Variants in ERO1A observed in about 807,000 individuals in gnomAD.
ERO1A encodes the protein ERO1-like protein alpha.
Under a neutral mutation model 76.9 loss-of-function variants are expected in ERO1A, and 49 were observed. The ratio of observed to expected loss-of-function variants is 0.64; its 90% CI spans 0.51 to 0.81. The LOEUF is 0.81. Ranked by LOEUF, ERO1A falls within the 30% of genes least tolerant of loss-of-function variation. ERO1A has a pLI of 0.00. For synonymous variants in ERO1A, 174 were observed against 181.2 expected, an observed-to-expected ratio of 0.96 and a Z score of 0.32; for missense variants, 448 against 542.1, an observed-to-expected ratio of 0.83 and a Z score of 1.72.
intron 11 of ERO1A, among the ~76,000 whole-genome samples, chr14:52,655,013 G>A (rs973008419): frequency 8.5e-5 from 13 of 152,172 alleles, no homozygotes; most frequent in African/African-American, 3.1e-4. Flanking sequence ...CTGTCCACAG[G>A]TGAGAGGATT....
At chr14:52,671,540 A>G in intron 6 of ERO1A, 90 bp downstream of exon 6, 1 of 857,222 alleles carries the variant, frequency 1.2e-6, no homozygotes, top group Non-Finnish European at 1.8e-6. Context: ...GACTACAGGC[A>G]CACCACCATG....
intron 13 of ERO1A, among the ~76,000 whole-genome samples, chr14:52,648,207 C>T (rs2039736353): frequency 6.6e-6 from 1 of 151,520 alleles, no homozygotes. Context: ...TTTTTATGAC[C>T]ACATGACATC....
chr14:52,651,671 T>C (rs563601680), intron 13 of ERO1A, among the ~76,000 whole-genome samples: 16 of 152,308 alleles, frequency 1.1e-4, no homozygotes, highest in South Asian at 4.2e-4. Flanking sequence ...TATGTTTTAA[T>C]TGACAAAAAT....
intron 1 of ERO1A, among the ~76,000 whole-genome samples, chr14:52,692,118 T>C (rs941836977): frequency 6.6e-6 from 1 of 152,234 alleles, no homozygotes; most frequent in Non-Finnish European, 1.5e-5. Context: ...TTTTAAAATA[T>C]ACTCCTGTTG....
At position 52,640,154 on chromosome 14, in the gene ERO1A, G is replaced by A. The variant is rs557254519; in HGVS notation, c.*3416C>T. The A allele has an allele frequency of 1.3e-5, 2 of 152,214 alleles. No individual in the cohort carries two copies. The highest frequency in any genetic ancestry group is 4.1e-4 in the South Asian group (2 of 4,830). The allele number at this position is 152,214 out of a possible 1,614,324, so 9.4% of individuals were successfully genotyped here. A position where few individuals can be genotyped will look rare whatever the true frequency, so the allele number is the denominator to read the frequency against. On this transcript the variant is annotated 3_prime_UTR_variant, in exon 16 of 16. Transcript: ENST00000395686. ...AGGTTCCTTTTCCTGCCCTTAAGGA[G>A]CTCACATTCTAGTAAAGACTTTTGA...
At position 52,650,690 on chromosome 14, in the gene ERO1A, T is replaced by C. The variant is rs143550092; in HGVS notation, c.1125+1549A>G. Among the ~76,000 whole-genome samples the C allele has an allele frequency of 1.6e-3, 250 of 152,312 alleles. 1 individual carries two copies. The highest frequency in any genetic ancestry group is 5.6e-3 in the African/African-American group (234 of 41,576). ...AACTTTGTAAGAGAGAAGAGAAATA[T>C]AATTTTACTTGACCCCCTCTGGAAA... On this transcript the variant is annotated intron_variant, in intron 13 of 15. Transcript: ENST00000395686.
intron 15 of ERO1A, among the ~76,000 whole-genome samples, chr14:52,644,513 T>C (rs1048198041): frequency 6.6e-6 from 1 of 152,188 alleles, no homozygotes; most frequent in Non-Finnish European, 1.5e-5. Flanking sequence ...TATTAAAGTA[T>C]ATAGTATTTG....
chr14:52,649,515 T>C (rs2039779714), intron 13 of ERO1A, among the ~76,000 whole-genome samples: 1 of 152,170 alleles, frequency 6.6e-6, no homozygotes, highest in Admixed American at 6.5e-5. Context: ...ACTCTCTACC[T>C]AAACTTCATA....
At position 52,653,506 on chromosome 14, in the gene ERO1A, A is replaced by G. The variant is rs995479080; in HGVS notation, c.809-191T>C. Among the ~76,000 whole-genome samples the G allele has an allele frequency of 2.0e-5, 3 of 151,966 alleles. No homozygotes were observed. In the East Asian group the frequency reaches 5.8e-4, roughly 29 times the overall value. ...ATTAATATTTTATTTTCTAGAACCC[A>G]TCCTTAAAACAAATTCAATGTTTTA... On this transcript the variant is annotated intron_variant, in intron 11 of 15. Coordinates refer to ENST00000395686, the MANE Select transcript of ERO1A (RefSeq NM_014584.3).
chr14:52,675,287 G>A (rs1472666553), intron 4 of ERO1A, among the ~76,000 whole-genome samples: 1 of 151,994 alleles, frequency 6.6e-6, no homozygotes, highest in Non-Finnish European at 1.5e-5. Context: ...GGAGGCTGAG[G>A]CAGGAGAATT....
chr14:52,685,323 T>A (rs2041144043), intron 1 of ERO1A, among the ~76,000 whole-genome samples: 1 of 152,194 alleles, frequency 6.6e-6, no homozygotes, highest in African/African-American at 2.4e-5. Flanking sequence ...ATCTACATAT[T>A]TTGTCATGTA....
intron 3 of ERO1A, among the ~76,000 whole-genome samples, chr14:52,680,989 A>G (rs2040974506): frequency 6.6e-6 from 1 of 152,204 alleles, no homozygotes; most frequent in Non-Finnish European, 1.5e-5. Context: ...ATAGAAAGTA[A>G]AAGTATTGTC....
rs528928550 is a variant in ERO1A, at chr14:52,665,829, A to G, written c.629+546T>C. ...CTAAGTCTCAGTTTCTCTGTCTATA[A>G]TACAGTGATGACTGCAACACAGGGT... On this transcript the variant is annotated intron_variant, in intron 7 of 15. Transcript: ENST00000395686. Among the ~76,000 whole-genome samples the G allele has an allele frequency of 2.6e-5, 4 of 152,336 alleles. No homozygotes were observed. The East Asian group carries it at 7.7e-4, about 29-fold the overall frequency.
intron 9 of ERO1A, 103 bp from the exon 10 acceptor site, chr14:52,658,253 G>T (rs2040117122): frequency 1.3e-6 from 1 of 784,446 alleles, no homozygotes; most frequent in Non-Finnish European, 2.1e-6. Context: ...AAACAACAAT[G>T]TAAAGATTAT....
chr14:52,682,289 C>A, intron 3 of ERO1A, 36 bp downstream of exon 3: 1 of 1,427,672 alleles, frequency 7.0e-7, no homozygotes, highest in South Asian at 1.3e-5. Flanking sequence ...AATGAAAAAA[C>A]ATGTAACAGT....
At chr14:52,672,776 C>CAAAAAAAAAAAAAAA (rs1226719026) in intron 4 of ERO1A, among the ~76,000 whole-genome samples, 5 of 61,080 alleles carry the variant, frequency 8.2e-5, no homozygotes, top group Admixed American at 1.8e-4. Context: ...TGTCTCTGAC[C>CAAAAAAAAAAAAAAA]AAAAAAAAAA....
At chr14:52,679,508 G>T (rs1027613715) in intron 3 of ERO1A, among the ~76,000 whole-genome samples, 1 of 151,692 alleles carries the variant, frequency 6.6e-6, no homozygotes, top group South Asian at 2.1e-4. Flanking sequence ...CGCCTCCTGG[G>T]TTCAAATGAT....
rs559143853 is a variant in ERO1A, at chr14:52,693,002, C to CTT, written c.114+2364_114+2365dup. On this transcript the variant is annotated intron_variant, in intron 1 of 15. Transcript: ENST00000395686. ...ATAGTCTCTGTTCTTAAATAGACAA[C>CTT]TTTTTTTTTTTTTTTTTTTTTTTTG... Among the ~76,000 whole-genome samples, 724 of 85,688 alleles carry CTT rather than the reference C, an allele frequency of 8.4e-3. 17 individuals carry two copies. Among genetic ancestry groups the CTT allele is most frequent in the African/African-American group, 0.017 (361 of 21,636 alleles). The allele number at this position is 85,688 out of a possible 152,430, so 56.2% of individuals were successfully genotyped here.
chr14:52,652,093 A>G, intron 13 of ERO1A, 146 bp downstream of exon 13: 1 of 438,386 alleles, frequency 2.3e-6, no homozygotes, highest in African/African-American at 2.0e-5. Context: ...CAGCCTCCCA[A>G]AGTGCTGGAA....
Sources: gnomAD v4.1 joint callset for allele counts (sites outside exome capture counted in the v4.1 genomes callset) on GRCh38, gnomAD v4.1.1 for gene constraint, MANE v1.5 for transcripts, NCBI Gene and HGNC (gene_info 2026-07-23, HGNC 2026-07-21) for gene names.